The following UGT1A8 variants were observed in gnomAD, a reference collection of about 807,000 sequenced individuals.
UGT1A8 encodes UDP glucuronosyltransferase family 1 member A8, also known as UDP-glucuronosyltransferase 1A8.
In UGT1A8, 39 loss-of-function variants were observed where a neutral mutation model predicts 45.3. The ratio of observed to expected loss-of-function variants is 0.86; its 90% CI spans 0.67 to 1.12. The LOEUF (loss-of-function observed/expected upper bound fraction) is 1.12, where lower values mean the gene tolerates loss of function less well. Ranked by LOEUF, UGT1A8 falls within the 50% of genes most tolerant of loss-of-function variation. The pLI is 0.00. For missense variants in UGT1A8, 719 were observed against 664.9 expected, an observed-to-expected ratio of 1.08 and a Z score of -0.90; for synonymous variants, 275 against 249.2, an observed-to-expected ratio of 1.10 and a Z score of -0.97.
At chr2:233,753,255 C>T (rs1695165382) in intron 1 of UGT1A8, 1 of 152,170 alleles carries the variant, frequency 6.6e-6, no homozygotes, top group Non-Finnish European at 1.5e-5. Context: ...AAGCAACTAC[C>T]CAGGCACCTT....
chr2:233,676,120 C>T (rs1029449895), intron 1 of UGT1A8, among the ~76,000 whole-genome samples: 3 of 152,070 alleles, frequency 2.0e-5, no homozygotes, highest in Admixed American at 6.6e-5. Flanking sequence ...AACAGAAGAC[C>T]CACCCTGGGG....
In UGT1A8 at chr2:233,766,945, A is replaced by G. The variant is rs1284295869; in HGVS notation, c.856-89A>G. 3.1e-6 allele frequency: 5 copies of G among 1,597,954 alleles called. No homozygotes were observed. In the East Asian group the frequency reaches 1.1e-4, roughly 36 times the overall value. ...ACGCATGCCTTTAATCATAGTCTTA[A>G]GAGGAAGATATCTAATTCATAACTT... On this transcript the variant is annotated intron_variant, in intron 1 of 4. Coordinates refer to ENST00000373450, the MANE Select transcript of UGT1A8 (RefSeq NM_019076.5).
chr2:233,624,030 C>T (rs2073055341), intron 1 of UGT1A8, among the ~76,000 whole-genome samples: 1 of 152,134 alleles, frequency 6.6e-6, no homozygotes, highest in Non-Finnish European at 1.5e-5. Flanking sequence ...AAGGTTGCAA[C>T]AAATAGTTCA....
intron 1 of UGT1A8, among the ~76,000 whole-genome samples, chr2:233,757,057 G>A (rs1201778154): frequency 6.6e-6 from 1 of 151,606 alleles, no homozygotes; most frequent in Non-Finnish European, 1.5e-5. Flanking sequence ...TTGGGGAACA[G>A]CAAGGGATCC....
At chr2:233,724,990 G>T (rs1408301840) in intron 1 of UGT1A8, among the ~76,000 whole-genome samples, 1 of 144,142 alleles carries the variant, frequency 6.9e-6, no homozygotes, top group Non-Finnish European at 1.5e-5. Context: ...CGCGGTTAGG[G>T]GCTGGAGACC....
chr2:233,759,597 C>T (rs1299391040), intron 1 of UGT1A8, among the ~76,000 whole-genome samples: 1 of 140,706 alleles, frequency 7.1e-6, no homozygotes, highest in Admixed American at 7.3e-5. Flanking sequence ...CCCCCACCCC[C>T]GACCCGCCCC....
chr2:233,758,419 A>C (rs1696871413), intron 1 of UGT1A8, among the ~76,000 whole-genome samples: 1 of 152,240 alleles, frequency 6.6e-6, no homozygotes, highest in Non-Finnish European at 1.5e-5. Context: ...TATAATCTGC[A>C]AATGAACTCA....
intron 1 of UGT1A8, chr2:233,760,693 C>T (rs1697531217): frequency 1.9e-6 from 3 of 1,614,162 alleles, no homozygotes; most frequent in Non-Finnish European, 2.5e-6. Flanking sequence ...CAACAAGGAG[C>T]TCATGGCCTC....
At chr2:233,724,269 CGGCTGGCCGGGCGGGG>C (rs2077201800) in intron 1 of UGT1A8, among the ~76,000 whole-genome samples, 1 of 124,806 alleles carries the variant, frequency 8.0e-6, no homozygotes, top group Non-Finnish European at 1.7e-5. Flanking sequence ...CCGGACGGGG[CGGCTGGCCGGGCGGGG>C]GGCTGACCCC....
chr2:233,620,531 C>T (rs550443192), intron 1 of UGT1A8, among the ~76,000 whole-genome samples: 30 of 152,200 alleles, frequency 2.0e-4, no homozygotes, highest in African/African-American at 7.2e-4. Flanking sequence ...AAAAAGGAAA[C>T]ATTAAACTCT....
chr2:233,767,130 G>A lies in UGT1A8; in HGVS notation c.952G>A (p.Ala318Thr). The A allele has an allele frequency of 6.2e-7, 1 of 1,614,080 alleles. No individual in the cohort carries two copies. The highest frequency in any genetic ancestry group is 8.5e-7 in the Non-Finnish European group (1 of 1,180,012). The change falls in exon 2 of 5, where the codon GCA (alanine) becomes ACA (threonine). Residue 318 changes from alanine (A) to threonine (T), a missense_variant. Ala to Thr is a moderately conservative substitution (Grantham distance 58). Coordinates refer to ENST00000373450, the MANE Select transcript of UGT1A8 (RefSeq NM_019076.5). ...VSEIPEKKAM[A>T]IADALGKIPQ... ...AGAAATTCCAGAGAAGAAAGCTATGGCAATTGCTGATGCTTTGGGCAAAAT... is the reference window on the plus strand; with the variant it reads ...AGAAATTCCAGAGAAGAAAGCTATGACAATTGCTGATGCTTTGGGCAAAAT...
intron 1 of UGT1A8, among the ~76,000 whole-genome samples, chr2:233,651,004 T>C (rs946750096): frequency 6.6e-6 from 1 of 152,168 alleles, no homozygotes; most frequent in Non-Finnish European, 1.5e-5. Context: ...AGCTGTTTGG[T>C]AAAGGATTGA....
At chr2:233,729,415 A>G (rs914222718) in intron 1 of UGT1A8, 1 of 1,613,668 alleles carries the variant, frequency 6.2e-7, no homozygotes. Flanking sequence ...GCTGGGCCAC[A>G]CTCAACTGTA....
chr2:233,749,416 T>G (rs1694186669), intron 1 of UGT1A8, among the ~76,000 whole-genome samples: 1 of 151,944 alleles, frequency 6.6e-6, no homozygotes, highest in Non-Finnish European at 1.5e-5. Context: ...GTTAACTACA[T>G]TGCTCAAAAC....
chr2:233,656,555 G>T (rs922680959), intron 1 of UGT1A8, among the ~76,000 whole-genome samples: 8 of 152,182 alleles, frequency 5.3e-5, no homozygotes, highest in African/African-American at 1.9e-4. Flanking sequence ...TTAAGTGTAG[G>T]CGCCCATGAC....
intron 1 of UGT1A8, chr2:233,729,871 C>T: frequency 6.2e-7 from 1 of 1,613,870 alleles, no homozygotes; most frequent in Non-Finnish European, 8.5e-7. Flanking sequence ...GGTGGATATT[C>T]TCAGTCATGC....
chr2:233,714,402 T>C (rs1318468382), intron 1 of UGT1A8, among the ~76,000 whole-genome samples: 1 of 152,160 alleles, frequency 6.6e-6, no homozygotes, highest in Non-Finnish European at 1.5e-5. Context: ...GTAGGTGCAA[T>C]GGATGTCTGT....
At chr2:233,726,769 C>T (rs751538762) in intron 1 of UGT1A8, among the ~76,000 whole-genome samples, 7 of 152,200 alleles carry the variant, frequency 4.6e-5, no homozygotes, top group Non-Finnish European at 8.8e-5. Context: ...AGACACTAAG[C>T]TTAAAGTGAA....
intron 1 of UGT1A8, among the ~76,000 whole-genome samples, chr2:233,756,648 T>A (rs1349644658): frequency 6.6e-6 from 1 of 152,160 alleles, no homozygotes; most frequent in East Asian, 1.9e-4. Flanking sequence ...GGGATAAACA[T>A]GGGATGCAGT....
Sources: allele counts gnomAD v4.1 joint callset (sites outside exome capture counted in the v4.1 genomes callset), GRCh38; gene constraint gnomAD v4.1.1; transcripts MANE v1.5; gene names NCBI Gene and HGNC (gene_info 2026-07-23, HGNC 2026-07-21).